Variants in MSL2 observed in about 807,000 individuals in gnomAD.
MSL2 encodes E3 ubiquitin-protein ligase MSL2.
In MSL2, 2 loss-of-function variants were observed where a neutral mutation model predicts 35.8. The ratio of observed to expected loss-of-function variants is 0.06; its 90% CI spans 0.02 to 0.18. MSL2 has a LOEUF of 0.18. Ranked by LOEUF, MSL2 falls within the 10% of genes least tolerant of loss-of-function variation. MSL2 has a pLI of 1.00. For synonymous variants in MSL2, 296 were observed against 255.7 expected, an observed-to-expected ratio of 1.16 and a Z score of -1.50; for missense variants, 523 against 706.7, an observed-to-expected ratio of 0.74 and a Z score of 2.95.
At chr3:136,168,359 T>C (rs1455339997) in intron 1 of MSL2, among the ~76,000 whole-genome samples, 4 of 152,180 alleles carry the variant, frequency 2.6e-5, no homozygotes, top group Non-Finnish European at 5.9e-5. Context: ...AAACCAGTTA[T>C]CTTAAAATAC....
intron 1 of MSL2, among the ~76,000 whole-genome samples, chr3:136,192,670 G>A (rs1477384612): frequency 1.3e-5 from 2 of 152,138 alleles, no homozygotes; most frequent in African/African-American, 4.8e-5. Flanking sequence ...TAAAACCACA[G>A]TTGAATAAAA....
At chr3:136,186,765 A>C (rs1182998387) in intron 1 of MSL2, among the ~76,000 whole-genome samples, 1 of 152,164 alleles carries the variant, frequency 6.6e-6, no homozygotes, top group Non-Finnish European at 1.5e-5. Context: ...ACATATTACA[A>C]TGTAATAATA....
At chr3:136,167,133 G>A (rs554832088) in intron 1 of MSL2, among the ~76,000 whole-genome samples, 2 of 152,166 alleles carry the variant, frequency 1.3e-5, no homozygotes, top group Non-Finnish European at 2.9e-5. Flanking sequence ...AAATAAACCT[G>A]TGAACACTGG....
rs1451960878 is a variant in MSL2, at chr3:136,189,067, G to C, written c.142+5905C>G. Among the ~76,000 whole-genome samples the C allele has an allele frequency of 8.8e-5, 9 of 102,790 alleles. No individual in the cohort carries two copies. In the Admixed American group the frequency reaches 1.2e-3, roughly 13 times the overall value. The allele number at this position is 102,790 out of a possible 152,430, so 67.4% of individuals were successfully genotyped here. A position where few individuals can be genotyped will look rare whatever the true frequency, so the allele number is the denominator to read the frequency against. On this transcript the variant is annotated intron_variant, in intron 1 of 1. Transcript: ENST00000309993. ...TTAGGAGATTTTCCTTAGGAAAAGA[G>C]ATCATACAAGCCTGGGCAACATGGT...
intron 1 of MSL2, among the ~76,000 whole-genome samples, chr3:136,182,048 AG>A (rs1940382275): frequency 6.6e-6 from 1 of 152,190 alleles, no homozygotes; most frequent in African/African-American, 2.4e-5. Flanking sequence ...AAAACACTGA[AG>A]GCAAATTTCT....
intron 1 of MSL2, among the ~76,000 whole-genome samples, chr3:136,160,141 TG>T (rs1024914162): frequency 3.3e-5 from 5 of 151,396 alleles, no homozygotes; most frequent in African/African-American, 1.2e-4. Flanking sequence ...CTAGGCGTGA[TG>T]GCACACGCCT....
At chr3:136,153,996 T>C (rs910694774) in intron 1 of MSL2, among the ~76,000 whole-genome samples, 1 of 151,024 alleles carries the variant, frequency 6.6e-6, no homozygotes, top group African/African-American at 2.4e-5. Context: ...GGCAGGAGAA[T>C]CCCTTGAACC....
intron 1 of MSL2, among the ~76,000 whole-genome samples, chr3:136,158,253 G>C (rs183987097): frequency 6.6e-5 from 10 of 151,276 alleles, no homozygotes; most frequent in African/African-American, 2.4e-4. Context: ...CGGAGGCTGC[G>C]GTGAGCCGAG....
At chr3:136,193,781 G>C (rs1403225584) in intron 1 of MSL2, among the ~76,000 whole-genome samples, 2 of 152,024 alleles carry the variant, frequency 1.3e-5, no homozygotes, top group African/African-American at 4.8e-5. Flanking sequence ...TTCCTCTAAG[G>C]TGTTAAGTGT....
At chr3:136,194,060 T>C (rs533135221) in intron 1 of MSL2, among the ~76,000 whole-genome samples, 1 of 152,358 alleles carries the variant, frequency 6.6e-6, no homozygotes, top group African/African-American at 2.4e-5. Context: ...AGGTTCTGAC[T>C]AAACAAGTGG....
intron 1 of MSL2, among the ~76,000 whole-genome samples, chr3:136,156,438 G>A (rs941485239): frequency 6.6e-6 from 1 of 152,134 alleles, no homozygotes; most frequent in African/African-American, 2.4e-5. Flanking sequence ...TAAATGGAAA[G>A]GCAAGTTTCC....
chr3:136,176,597 G>A (rs1940189110), intron 1 of MSL2, among the ~76,000 whole-genome samples: 1 of 151,034 alleles, frequency 6.6e-6, no homozygotes, highest in Admixed American at 6.6e-5. Context: ...GGCTGAGGCA[G>A]GAGAATCACT....
chr3:136,185,450 T>TTTTA (rs1474960672), intron 1 of MSL2, among the ~76,000 whole-genome samples: 5 of 149,004 alleles, frequency 3.4e-5, no homozygotes, highest in African/African-American at 1.2e-4. Flanking sequence ...ACTATAGATA[T>TTTTA]GGACACAAAA....
chr3:136,156,850 A>AT lies in MSL2; in HGVS notation c.143-4113dup, dbSNP rs374764136. 1.3e-3 allele frequency among the ~76,000 whole-genome samples: 197 copies of AT among 152,294 alleles called. 1 individual carries two copies. The highest frequency in any genetic ancestry group is 4.4e-3 in the African/African-American group (182 of 41,564). On this transcript the variant is annotated intron_variant, in intron 1 of 1. Coordinates refer to ENST00000309993, the MANE Select transcript of MSL2 (RefSeq NM_018133.4). ...AGCCTGGGCGACAGAGCCAGACTCC[A>AT]TCTCAAAAGCAAACAAACTAAATAA...
rs113522601 is a variant in MSL2 at position 136,156,902 on chromosome 3, T to TA, written c.143-4165dup. ...TAAATAAATTATGTTTCCTCCAAGC[T>TA]ATGCAATCCTTTTAACTGTTGAAGA... On this transcript the variant is annotated intron_variant, in intron 1 of 1. Coordinates refer to ENST00000309993, the MANE Select transcript of MSL2 (RefSeq NM_018133.4). Among the ~76,000 whole-genome samples, 1,211 of 152,302 alleles carry TA rather than the reference T, an allele frequency of 8.0e-3. 24 individuals carry two copies. The highest frequency in any genetic ancestry group is 0.026 in the African/African-American group (1,101 of 41,550).
intron 1 of MSL2, among the ~76,000 whole-genome samples, chr3:136,153,653 G>C (rs1412662631): frequency 6.6e-6 from 1 of 151,846 alleles, no homozygotes; most frequent in Non-Finnish European, 1.5e-5. Flanking sequence ...AACCGGGCAT[G>C]GTGGTACGCA....
chr3:136,161,481 G>C (rs1039712984), intron 1 of MSL2, among the ~76,000 whole-genome samples: 3 of 152,196 alleles, frequency 2.0e-5, no homozygotes, highest in African/African-American at 7.2e-5. Context: ...CCATTAATTG[G>C]TGAGTAGATA....
chr3:136,173,697 G>A (rs955435104), intron 1 of MSL2, among the ~76,000 whole-genome samples: 1 of 152,068 alleles, frequency 6.6e-6, no homozygotes, highest in African/African-American at 2.4e-5. Context: ...CTTCCACACT[G>A]CCACCATATG....
rs776108533 is a variant in MSL2, at chr3:136,152,499, CAGA to C, written c.379_381del (p.Ser127del). ...CCATCATTAAGCAAAGCCAAAATAT[CAGA>C]AGAACAGTCAACTGCTTCTATTATA... On this transcript the variant is annotated inframe_deletion, in exon 2 of 2. Coordinates refer to ENST00000309993, the MANE Select transcript of MSL2 (RefSeq NM_018133.4). 3.7e-6 allele frequency: 6 copies of C among 1,614,168 alleles called. No individual in the cohort carries two copies. Among genetic ancestry groups the C allele is most frequent in the Non-Finnish European group, 2.5e-6 (3 of 1,180,022 alleles).
Sources: allele counts gnomAD v4.1 joint callset (sites outside exome capture counted in the v4.1 genomes callset), GRCh38; gene constraint gnomAD v4.1.1; transcripts MANE v1.5; gene names NCBI Gene and HGNC (gene_info 2026-07-23, HGNC 2026-07-21).